The following BAZ2B variants were observed in gnomAD, a reference collection of about 807,000 sequenced individuals.
BAZ2B encodes the protein bromodomain adjacent to zinc finger domain 2B.
BAZ2B carries 91 observed loss-of-function variants against 246.0 expected under a neutral mutation model. That is an observed-to-expected ratio of 0.37 (90% CI 0.31 to 0.44). The LOEUF (loss-of-function observed/expected upper bound fraction) is 0.44, where lower values mean the gene tolerates loss of function less well. Among genes scored for constraint, BAZ2B ranks in the 20% least tolerant of loss-of-function variants. BAZ2B has a pLI of 1.00. For missense variants in BAZ2B, 2,332 were observed against 2,533.7 expected (o/e 0.92, Z 1.71); for synonymous variants, 855 against 860.0 (o/e 0.99, Z 0.10).
chr2:159,601,497 T>TGGA (rs1692138382), intron 1 of BAZ2B, among the ~76,000 whole-genome samples: 1 of 150,064 alleles, frequency 6.7e-6, no homozygotes, highest in African/African-American at 2.4e-5. Flanking sequence ...CCGAGGCAGG[T>TGGA]GGATCACAAG....
chr2:159,702,561 A>G, the BAZ2B span, among the ~76,000 whole-genome samples: 23 of 152,256 alleles, frequency 1.5e-4, no homozygotes, highest in Non-Finnish European at 3.2e-4. Flanking sequence ...ATCAGTAATA[A>G]CAAAATAGAT....
the BAZ2B span, among the ~76,000 whole-genome samples, chr2:159,658,013 C>G: frequency 6.6e-6 from 1 of 152,192 alleles, no homozygotes; most frequent in African/African-American, 2.4e-5. Flanking sequence ...TGTTTCTGAT[C>G]TTAGTGGGAA....
At chr2:159,387,283 T>G (rs3771710) in intron 21 of BAZ2B, among the ~76,000 whole-genome samples, 2 of 152,018 alleles carry the variant, frequency 1.3e-5, no homozygotes, top group Non-Finnish European at 2.9e-5. Flanking sequence ...ATCTCTGTTG[T>G]TATTTCTCAA....
At chr2:159,382,924 A>T (rs2062169481) in intron 24 of BAZ2B, 122 bp from the exon 25 acceptor site, 1 of 1,286,928 alleles carries the variant, frequency 7.8e-7, no homozygotes, top group Admixed American at 2.8e-5. Flanking sequence ...TAAGCGATAT[A>T]CCAATGTTAA....
rs141204545 is a variant in BAZ2B, at chr2:159,480,879, T to G, written c.-2-2158A>C. ...TAGACATTATTCATGTATTATTTTA[T>G]TTCAACTATATTTATACTAGGTATT... On this transcript the variant is annotated intron_variant, in intron 2 of 36. Coordinates refer to ENST00000392783, the MANE Select transcript of BAZ2B (RefSeq NM_013450.4). Among the ~76,000 whole-genome samples, 44 of 152,208 alleles carry G rather than the reference T, an allele frequency of 2.9e-4. 1 individual carries two copies. Among genetic ancestry groups the G allele is most frequent in the Non-Finnish European group, 5.4e-4 (37 of 67,930 alleles).
chr2:159,648,070 G>T, the BAZ2B span, among the ~76,000 whole-genome samples: 10 of 152,028 alleles, frequency 6.6e-5, no homozygotes, highest in African/African-American at 2.4e-4. Flanking sequence ...ACATAGTAAA[G>T]ATTATGGATA....
At chr2:159,506,744 C>T (rs986967437) in intron 2 of BAZ2B, among the ~76,000 whole-genome samples, 1 of 152,194 alleles carries the variant, frequency 6.6e-6, no homozygotes, top group Non-Finnish European at 1.5e-5. Flanking sequence ...CTTTTCTCCT[C>T]TCAGTTTTTA....
In BAZ2B at chr2:159,431,030, G is replaced by T; in HGVS notation, c.2027C>A (p.Thr676Asn). 6.2e-7 allele frequency: 1 copy of T among 1,613,988 alleles called. No homozygotes were observed. The highest frequency in any genetic ancestry group is 8.5e-7 in the Non-Finnish European group (1 of 1,179,904). Reference protein sequence around the residue: ...EKTSMKLNKTTSSVKSPSMSL... With the variant: ...EKTSMKLNKTNSSVKSPSMSL... ...CATGGAAGGGCTTTTGACAGAGGAA[G>T]TTGTTTTATTCAGTTTCATTGAAGT... The change falls in exon 10 of 37, where the codon ACT (threonine) becomes AAT (asparagine). Residue 676 changes from threonine (T) to asparagine (N), a missense_variant. This residue lies in a region of BAZ2B where 651 missense variants were observed against 650.9 expected (regional missense o/e 1.00). Coordinates refer to ENST00000392783, the MANE Select transcript of BAZ2B (RefSeq NM_013450.4).
intron 12 of BAZ2B, 126 bp from the exon 13 acceptor site, chr2:159,428,168 C>T: frequency 9.1e-7 from 1 of 1,096,236 alleles, no homozygotes; most frequent in Non-Finnish European, 1.3e-6. Flanking sequence ...TATAGGAGAT[C>T]AATTTAGGTT....
At chr2:159,337,143 A>G in intron 32 of BAZ2B, 66 bp from the exon 33 acceptor site, 2 of 1,529,158 alleles carry the variant, frequency 1.3e-6, no homozygotes, top group Non-Finnish European at 1.8e-6. Flanking sequence ...ATGTGAAACA[A>G]TCATCACACT....
intron 22 of BAZ2B, among the ~76,000 whole-genome samples, chr2:159,385,809 G>A (rs924854012): frequency 3.9e-5 from 6 of 152,068 alleles, no homozygotes; most frequent in Non-Finnish European, 8.8e-5. Flanking sequence ...GAAACACTGA[G>A]GGAGATAGAA....
rs916296211 is a variant in BAZ2B at position 159,325,739 on chromosome 2, G to A, written c.6123C>T (p.Asn2041=). The A allele has an allele frequency of 1.3e-6, 2 of 1,598,248 alleles. No individual in the cohort carries two copies. Among genetic ancestry groups the A allele is most frequent in the Non-Finnish European group, 1.7e-6 (2 of 1,176,354 alleles). The change falls in exon 35 of 37, where the codon AAC becomes AAT. Residue 2041 remains asparagine (N), a synonymous_variant. Transcript: ENST00000392783. The stretch of plus-strand genomic sequence containing the variant: ...CTTGTTTTGACAAGTTAATAGAAGT[G>A]TTTTCCTCCATTTTTCTTTTCTTGA... The part of the protein sequence containing the change: ...KDLKKRKMEE[N]TSINLSKQES...
the BAZ2B span, among the ~76,000 whole-genome samples, chr2:159,707,200 T>C: frequency 6.6e-6 from 1 of 152,068 alleles, no homozygotes; most frequent in Admixed American, 6.6e-5. Context: ...AAATAACAGG[T>C]AGTGGGCTAC....
the BAZ2B span, among the ~76,000 whole-genome samples, chr2:159,701,141 C>G: frequency 6.6e-6 from 1 of 152,088 alleles, no homozygotes; most frequent in Non-Finnish European, 1.5e-5. Context: ...TATTTCTAAT[C>G]AATGGAAATA....
chr2:159,474,886 C>A (rs556430537), intron 3 of BAZ2B, among the ~76,000 whole-genome samples: 8 of 152,162 alleles, frequency 5.3e-5, no homozygotes, highest in Non-Finnish European at 1.0e-4. Context: ...TATTGGCCCC[C>A]ACTCTCTTCT....
chr2:159,328,672 T>C (rs1032066079), intron 34 of BAZ2B, among the ~76,000 whole-genome samples: 3 of 152,218 alleles, frequency 2.0e-5, no homozygotes, highest in African/African-American at 7.2e-5. Flanking sequence ...ATGAACTCTT[T>C]CATGTCATTT....
the BAZ2B span, among the ~76,000 whole-genome samples, chr2:159,635,756 T>C: frequency 1.3e-5 from 2 of 152,208 alleles, no homozygotes; most frequent in African/African-American, 2.4e-5. Context: ...ATTGAAAACA[T>C]GCTTAATTGA....
intron 27 of BAZ2B, among the ~76,000 whole-genome samples, chr2:159,359,498 C>T (rs1357332391): frequency 6.6e-6 from 1 of 152,108 alleles, no homozygotes; most frequent in African/African-American, 2.4e-5. Context: ...CAGGACCAGA[C>T]AGATTCACAG....
At position 159,382,748 on chromosome 2, in the gene BAZ2B, A is replaced by C. The variant is rs1362912718; in HGVS notation, c.3816T>G (p.Ile1272Met). The C allele has an allele frequency of 6.2e-7, 1 of 1,613,798 alleles. No individual in the cohort carries two copies. Among genetic ancestry groups the C allele is most frequent in the South Asian group, 1.1e-5 (1 of 91,066 alleles). ...KTGKRDTSGG[I>M]DLGEEQHPLG... is the part of the protein sequence containing the mutation. ...AGGGATGCTGCTCTTCTCCCAGATC[A>C]ATGCCACCTGAAGTGTCTCTTTTGC... The change falls in exon 25 of 37, where the codon ATT (isoleucine) becomes ATG (methionine). Residue 1272 changes from isoleucine (I) to methionine (M), a missense_variant. Transcript: ENST00000392783.
Sources: allele counts gnomAD v4.1 joint callset (sites outside exome capture counted in the v4.1 genomes callset), GRCh38; gene constraint gnomAD v4.1.1; regional missense constraint gnomAD v4.1.1; transcripts MANE v1.5; gene names NCBI Gene and HGNC (gene_info 2026-07-23, HGNC 2026-07-21).